PLD5: variants seen among roughly 807,000 people sequenced by gnomAD.
PLD5 encodes phospholipase D family member 5.
A neutral mutation model predicts 61.1 loss-of-function variants in PLD5; 36 were observed. The observed-to-expected ratio is 0.59, with a 90% CI of 0.45 to 0.78. The LOEUF (loss-of-function observed/expected upper bound fraction) is 0.78. PLD5 is among the 30% of genes least tolerant of loss of function. The pLI is 0.00. For missense variants in PLD5, 515 were observed against 644.4 expected, an observed-to-expected ratio of 0.80 and a Z score of 2.17; for synonymous variants, 243 against 242.8, an observed-to-expected ratio of 1.00 and a Z score of -0.01.
chr1:242,329,040 GCT>G (rs1160626296), intron 2 of PLD5, among the ~76,000 whole-genome samples: 1 of 150,432 alleles, frequency 6.6e-6, no homozygotes, highest in East Asian at 2.0e-4. Context: ...ACAGAGTCTC[GCT>G]CTGTCACCCA....
intron 5 of PLD5, among the ~76,000 whole-genome samples, chr1:242,190,365 C>T (rs1000981177): frequency 6.6e-6 from 1 of 151,654 alleles, no homozygotes; most frequent in African/African-American, 2.4e-5. Flanking sequence ...CCAGGATGGT[C>T]TCGATCTCCT....
At chr1:242,121,127 G>T (rs1195748577) in intron 6 of PLD5, among the ~76,000 whole-genome samples, 3 of 152,006 alleles carry the variant, frequency 2.0e-5, no homozygotes, top group Non-Finnish European at 4.4e-5. Flanking sequence ...CATTTGTCTG[G>T]CATATATTAC....
chr1:242,460,799 T>C (rs562511356), intron 1 of PLD5, among the ~76,000 whole-genome samples: 1 of 151,802 alleles, frequency 6.6e-6, no homozygotes, highest in Admixed American at 6.6e-5. Context: ...AAAAATCTAG[T>C]CTTATGTCCA....
At chr1:242,442,719 A>C (rs1345145764) in intron 1 of PLD5, among the ~76,000 whole-genome samples, 1 of 152,254 alleles carries the variant, frequency 6.6e-6, no homozygotes, top group African/African-American at 2.4e-5. Context: ...TCGACACTCC[A>C]TACAAAGAAG....
At chr1:242,377,726 A>C in intron 1 of PLD5, among the ~76,000 whole-genome samples, 1 of 152,216 alleles carries the variant, frequency 6.6e-6, no homozygotes, top group East Asian at 1.9e-4. Flanking sequence ...AGTTCAATGG[A>C]CATTTCTCCA....
chr1:242,359,737 C>G (rs2258744), intron 1 of PLD5, among the ~76,000 whole-genome samples: 145,682 of 152,192 alleles, frequency 0.96, 70,041 homozygotes, highest in Non-Finnish European at 1. Flanking sequence ...ATTAATAACT[C>G]TTTCATAGGG....
At chr1:242,462,198 C>A (rs1006247890) in intron 1 of PLD5, among the ~76,000 whole-genome samples, 1 of 152,176 alleles carries the variant, frequency 6.6e-6, no homozygotes, top group Non-Finnish European at 1.5e-5. Flanking sequence ...ATGTTCCTCA[C>A]AGCACTATTC....
At position 242,168,846 on chromosome 1, in the gene PLD5, G is replaced by GTTTTTTTTTTTTTTTTT. The variant is rs34280777; in HGVS notation, c.736-44198_736-44182dup. ...TCCATGACAGTTTTTAATTAATGAA[G>GTTTTTTTTTTTTTTTTT]TTTTTTTTTTTTTTTTTTTTACCAC... On this transcript the variant is annotated intron_variant, in intron 5 of 9. Transcript: ENST00000536534. 2.0e-3 allele frequency among the ~76,000 whole-genome samples: 224 copies of GTTTTTTTTTTTTTTTTT among 111,268 alleles called. 19 individuals carry two copies. Among genetic ancestry groups the GTTTTTTTTTTTTTTTTT allele is most frequent in the Middle Eastern group, 0.013 (2 of 158 alleles). 73.0% of individuals were successfully genotyped at this position (111,268 alleles called of 152,430 possible). A position where few individuals can be genotyped will look rare whatever the true frequency, so the allele number is the denominator to read the frequency against.
At chr1:242,154,960 G>T (rs1451128504) in intron 5 of PLD5, among the ~76,000 whole-genome samples, 1 of 152,116 alleles carries the variant, frequency 6.6e-6, no homozygotes, top group Non-Finnish European at 1.5e-5. Flanking sequence ...ATTCACTTGT[G>T]AATCCATCTG....
At chr1:242,154,591 A>G (rs934437823) in intron 5 of PLD5, among the ~76,000 whole-genome samples, 5 of 152,240 alleles carry the variant, frequency 3.3e-5, no homozygotes, top group South Asian at 2.1e-4. Context: ...TTCTGCATCT[A>G]TTGAGATAAT....
chr1:242,236,741 A>C (rs1167560907), intron 4 of PLD5, among the ~76,000 whole-genome samples: 2 of 152,262 alleles, frequency 1.3e-5, no homozygotes, highest in Non-Finnish European at 2.9e-5. Flanking sequence ...GCTTCTAAAA[A>C]TATGGGTTCA....
At chr1:242,433,855 C>T (rs1233570659) in intron 1 of PLD5, among the ~76,000 whole-genome samples, 1 of 152,148 alleles carries the variant, frequency 6.6e-6, no homozygotes, top group Non-Finnish European at 1.5e-5. Context: ...TGCAGAGGTC[C>T]TGAGACCAGC....
chr1:242,181,668 T>G (rs561736142), intron 5 of PLD5, among the ~76,000 whole-genome samples: 56 of 135,082 alleles, frequency 4.1e-4, no homozygotes, highest in Non-Finnish European at 7.8e-4. Flanking sequence ...TTTTTTTTTG[T>G]TTTGTTTTGT....
intron 1 of PLD5, among the ~76,000 whole-genome samples, chr1:242,472,741 T>C (rs1667481121): frequency 6.6e-6 from 1 of 152,332 alleles, no homozygotes; most frequent in Non-Finnish European, 1.5e-5. Context: ...AAATAGACTC[T>C]ATATTTTAAA....
intron 5 of PLD5, 26 bp downstream of exon 5, chr1:242,219,962 G>C (rs1481513973): frequency 7.5e-6 from 12 of 1,604,846 alleles, no homozygotes; most frequent in African/African-American, 1.3e-5. Flanking sequence ...ACAGAACATT[G>C]AGTTTACATA....
In PLD5 at chr1:242,444,070, T is replaced by G. The variant is rs972442089; in HGVS notation, c.189+80018A>C. 3.9e-5 allele frequency among the ~76,000 whole-genome samples: 6 copies of G among 152,318 alleles called. No homozygotes were observed. In the East Asian group the frequency reaches 1.2e-3, roughly 29 times the overall value. Reference sequence around the variant, plus strand: ...TTGAACAGAACTCATATTTGCTTATTTTAAGCTTTGCACTTCCTGTAGCCC... The same window carrying G: ...TTGAACAGAACTCATATTTGCTTATGTTAAGCTTTGCACTTCCTGTAGCCC... On this transcript the variant is annotated intron_variant, in intron 1 of 9. Transcript: ENST00000536534.
intron 5 of PLD5, among the ~76,000 whole-genome samples, chr1:242,197,069 AC>A (rs1329897842): frequency 1.3e-5 from 2 of 151,944 alleles, no homozygotes; most frequent in Non-Finnish European, 2.9e-5. Context: ...GCTGATGCTC[AC>A]CCCTTGACTC....
intron 4 of PLD5, among the ~76,000 whole-genome samples, chr1:242,241,869 CTATATA>C (rs752113161): frequency 0.013 from 920 of 70,572 alleles, 9 homozygotes; most frequent in East Asian, 0.028. Flanking sequence ...GCTTTACTTA[CTATATA>C]TATATATATA....
chr1:242,189,889 CA>C (rs1668139118), intron 5 of PLD5, among the ~76,000 whole-genome samples: 1 of 152,168 alleles, frequency 6.6e-6, no homozygotes, highest in South Asian at 2.1e-4. Flanking sequence ...GAAAGAAGGT[CA>C]GTGCCTCAGG....
Sources: allele counts gnomAD v4.1 joint callset (sites outside exome capture counted in the v4.1 genomes callset), GRCh38; gene constraint gnomAD v4.1.1; transcripts MANE v1.5; gene names NCBI Gene and HGNC (gene_info 2026-07-23, HGNC 2026-07-21).